RNF144A: variants seen among roughly 807,000 people sequenced by gnomAD.
RNF144A encodes E3 ubiquitin-protein ligase RNF144A.
RNF144A carries 11 observed loss-of-function variants against 38.7 expected under a neutral mutation model. That is an observed-to-expected ratio of 0.28 (90% CI 0.18 to 0.47). The LOEUF (loss-of-function observed/expected upper bound fraction) is 0.47, where lower values mean the gene tolerates loss of function less well. Ranked by LOEUF, RNF144A falls within the 20% of genes least tolerant of loss-of-function variation. RNF144A has a pLI of 0.99. For missense variants in RNF144A, 316 were observed against 377.2 expected, an observed-to-expected ratio of 0.84 and a Z score of 1.34; for synonymous variants, 149 against 143.9, an observed-to-expected ratio of 1.04 and a Z score of -0.25.
chr2:7,052,302 A>G (rs1673562270), intron 6 of RNF144A, among the ~76,000 whole-genome samples: 1 of 152,208 alleles, frequency 6.6e-6, no homozygotes, highest in Admixed American at 6.5e-5. Flanking sequence ...AGCATCTAAC[A>G]TGAGGAGCCC....
At chr2:6,991,107 A>G (rs1425926675) in intron 2 of RNF144A, among the ~76,000 whole-genome samples, 1 of 152,214 alleles carries the variant, frequency 6.6e-6, no homozygotes, top group East Asian at 1.9e-4. Flanking sequence ...GTTGTTTCCA[A>G]ATTTTGGCAG....
chr2:7,013,801 C>G (rs530390747), intron 3 of RNF144A, among the ~76,000 whole-genome samples: 3 of 152,180 alleles, frequency 2.0e-5, no homozygotes, highest in Non-Finnish European at 4.4e-5. Context: ...TTGCTTACTT[C>G]AGGCTTTAAG....
At chr2:7,074,261 TA>T in the RNF144A span, among the ~76,000 whole-genome samples, 2 of 152,168 alleles carry the variant, frequency 1.3e-5, no homozygotes, top group Non-Finnish European at 2.9e-5. Context: ...CAGGGCATGA[TA>T]AAAACTGTGC....
intron 6 of RNF144A, among the ~76,000 whole-genome samples, chr2:7,061,970 C>T (rs309272): frequency 0.27 from 41,050 of 152,024 alleles, 6,738 homozygotes; most frequent in South Asian, 0.43. Context: ...ACTCATCATT[C>T]CAAAATCCAG....
intron 1 of RNF144A, among the ~76,000 whole-genome samples, chr2:6,924,608 A>G (rs543012444): frequency 1.3e-5 from 2 of 152,372 alleles, no homozygotes; most frequent in African/African-American, 4.8e-5. Context: ...ATGAACGCTC[A>G]GGAGCAGCAG....
intron 2 of RNF144A, among the ~76,000 whole-genome samples, chr2:6,970,990 T>G (rs1169562142): frequency 1.3e-5 from 2 of 152,268 alleles, no homozygotes; most frequent in Non-Finnish European, 2.9e-5. Context: ...TCACTCGTCT[T>G]TACCTTGCTT....
intron 2 of RNF144A, among the ~76,000 whole-genome samples, chr2:6,988,762 A>G (rs950793797): frequency 6.6e-6 from 1 of 151,910 alleles, no homozygotes; most frequent in Non-Finnish European, 1.5e-5. Flanking sequence ...CCCACTTCAG[A>G]ATGAGGAGTT....
chr2:7,060,396 G>A (rs1224521567), intron 6 of RNF144A, among the ~76,000 whole-genome samples: 1 of 152,100 alleles, frequency 6.6e-6, no homozygotes, highest in African/African-American at 2.4e-5. Flanking sequence ...TGTTGCCTCT[G>A]TGTGGCCATC....
At chr2:7,038,939 T>C (rs756250640) in intron 8 of RNF144A, among the ~76,000 whole-genome samples, 67 of 149,824 alleles carry the variant, frequency 4.5e-4, no homozygotes, top group Non-Finnish European at 8.9e-4. Context: ...GATGGTTAGA[T>C]GGATAGATGC....
chr2:7,008,874 C>T (rs1376500069), intron 3 of RNF144A, among the ~76,000 whole-genome samples: 2 of 152,242 alleles, frequency 1.3e-5, no homozygotes, highest in African/African-American at 4.8e-5. Context: ...AAAGCAGGTG[C>T]TCAGTGCTAG....
intron 2 of RNF144A, among the ~76,000 whole-genome samples, chr2:6,961,242 A>C (rs1216121622): frequency 6.6e-6 from 1 of 152,170 alleles, no homozygotes; most frequent in Non-Finnish European, 1.5e-5. Flanking sequence ...CTATTGCTTC[A>C]TAGGCATTTA....
At position 7,034,262 on chromosome 2, in the gene RNF144A, A is replaced by T. The variant is rs1367105946; in HGVS notation, c.747+4047A>T. Reference sequence around the variant, plus strand: ...ACTCCAGCCTGGGCGACAGAGCAAGACTCTGTCTCAAAAAAAAAAAAAAAG... The same window carrying T: ...ACTCCAGCCTGGGCGACAGAGCAAGTCTCTGTCTCAAAAAAAAAAAAAAAG... On this transcript the variant is annotated intron_variant, in intron 8 of 8. Coordinates refer to ENST00000320892, the MANE Select transcript of RNF144A (RefSeq NM_014746.6). 1.1e-4 allele frequency among the ~76,000 whole-genome samples: 16 copies of T among 149,810 alleles called. No homozygotes were observed. The East Asian group carries it at 3.1e-3, about 29-fold the overall frequency.
chr2:6,974,445 C>G (rs940297750), intron 2 of RNF144A, among the ~76,000 whole-genome samples: 3 of 152,172 alleles, frequency 2.0e-5, no homozygotes, highest in Admixed American at 2.0e-4. Flanking sequence ...GATAATAATA[C>G]TACCTCACTA....
chr2:6,967,165 C>G (rs1211041684), intron 2 of RNF144A, among the ~76,000 whole-genome samples: 1 of 152,182 alleles, frequency 6.6e-6, no homozygotes, highest in Non-Finnish European at 1.5e-5. Flanking sequence ...CCCGCCGAGT[C>G]AAGGTTCTTA....
At chr2:6,968,094 G>C (rs1439635272) in intron 2 of RNF144A, among the ~76,000 whole-genome samples, 5 of 152,192 alleles carry the variant, frequency 3.3e-5, no homozygotes, top group Non-Finnish European at 7.3e-5. Context: ...GCTTTTGAAT[G>C]GTATGTCTCT....
At chr2:7,023,984 A>T (rs555093137) in intron 6 of RNF144A, among the ~76,000 whole-genome samples, 1 of 152,344 alleles carries the variant, frequency 6.6e-6, no homozygotes, top group Non-Finnish European at 1.5e-5. Context: ...AATTTATATC[A>T]ACCCTTTGGA....
Position 7,042,434 on chromosome 2 carries a change from A to T in RNF144A, c.*2674A>T, listed in dbSNP as rs1443555703. On this transcript the variant is annotated 3_prime_UTR_variant, in exon 9 of 9. Coordinates refer to ENST00000320892, the MANE Select transcript of RNF144A (RefSeq NM_014746.6). ...GGTGTTCACTGCAAGCCCCAGAAGC[A>T]TATGGCATGTGTTCACTAAGAGGCC... is the stretch of plus-strand genomic sequence containing the variant. 7 of 985,334 alleles carry T rather than the reference A, an allele frequency of 7.1e-6. No homozygotes were observed. In the East Asian group the frequency reaches 3.4e-4, roughly 48 times the overall value. 61.0% of individuals were successfully genotyped at this position (985,334 alleles called of 1,614,324 possible).
intron 2 of RNF144A, among the ~76,000 whole-genome samples, chr2:6,953,264 T>TA (rs1338436419): frequency 6.6e-6 from 1 of 152,058 alleles, no homozygotes; most frequent in Non-Finnish European, 1.5e-5. Context: ...CCGTGTCTTC[T>TA]AAAAAAATAC....
chr2:6,947,793 A>AATCGGT (rs1414028752), intron 2 of RNF144A, among the ~76,000 whole-genome samples: 1 of 152,208 alleles, frequency 6.6e-6, no homozygotes, highest in African/African-American at 2.4e-5. Flanking sequence ...GTGGAGCTCG[A>AATCGGT]GAATCGGTGA....
Sources: allele counts gnomAD v4.1 joint callset (sites outside exome capture counted in the v4.1 genomes callset), GRCh38; gene constraint gnomAD v4.1.1; transcripts MANE v1.5; gene names NCBI Gene and HGNC (gene_info 2026-07-23, HGNC 2026-07-21).